Variants in RBM10 observed in about 807,000 individuals in gnomAD.
RBM10 encodes the protein RNA binding motif protein 10, also known as RNA-binding protein 10.
A neutral mutation model predicts 84.9 loss-of-function variants in RBM10; 1 was observed. The ratio of observed to expected loss-of-function variants is 0.01; its 90% CI spans 0.00 to 0.06. The LOEUF is 0.06. RBM10 is among the 10% of genes least tolerant of loss of function. The pLI is 1.00. For synonymous variants in RBM10, 326 were observed against 344.5 expected (o/e 0.95, Z 0.60); for missense variants, 438 against 839.0 (o/e 0.52, Z 5.90).
At chrX:47,180,595 G>GCTAT in intron 12 of RBM10, 89 bp downstream of exon 12, 2 of 1,164,695 alleles carry the variant, frequency 1.7e-6, no homozygotes. Flanking sequence ...AGGCTGGCTT[G>GCTAT]CTATCCATGG....
chrX:47,174,438 G>A (rs375244538), intron 5 of RBM10, among the ~76,000 whole-genome samples: 3 of 111,564 alleles, frequency 2.7e-5, no homozygotes, highest in East Asian at 5.7e-4. Flanking sequence ...AGATGAGGTC[G>A]TGTCTTTAAC....
Position 47,179,962 on chromosome X carries a change from C to T in RBM10, c.984C>T (p.Ser328=), listed in dbSNP as rs1556778173. Residue 328 remains serine (S), a synonymous_variant, in exon 10 of 24, where the codon TCC becomes TCT. Coordinates refer to ENST00000377604, the MANE Select transcript of RBM10 (RefSeq NM_005676.5). ...GALAPYAVLS[S]SNVRVIKDKQ... Reference sequence around the variant, plus strand: ...TGGCACCCTACGCGGTGCTGTCCTCCTCCAACGTGCGCGTCATAAAGGACA... The same window carrying T: ...TGGCACCCTACGCGGTGCTGTCCTCTTCCAACGTGCGCGTCATAAAGGACA... The T allele has an allele frequency of 3.3e-6, 4 of 1,211,357 alleles. No individual in the cohort carries two copies. The South Asian group carries it at 7.0e-5, about 21-fold the overall frequency.
chrX:47,173,087 C>T, intron 4 of RBM10, 41 bp from the exon 5 acceptor site: 1 of 1,211,685 alleles, frequency 8.3e-7, no homozygotes, highest in South Asian at 1.8e-5. Flanking sequence ...CCAGCGGCCC[C>T]ATTGTGCTGA....
At chrX:47,173,247 C>T (rs1934808195) in intron 5 of RBM10, 50 bp downstream of exon 5, 1 of 1,194,603 alleles carries the variant, frequency 8.4e-7, no homozygotes, top group Non-Finnish European at 1.1e-6. Context: ...GCCTCAGCCT[C>T]CGAATCTCCC....
At chrX:47,145,612 C>T in intron 1 of RBM10, 127 bp downstream of exon 1, 2 of 475,816 alleles carry the variant, frequency 4.2e-6, no homozygotes, top group East Asian at 9.3e-5. Flanking sequence ...AATGTCTCAA[C>T]CCGGGAGGGT....
chrX:47,155,146 CAAAAAA>C (rs782034292), intron 2 of RBM10, among the ~76,000 whole-genome samples: 2 of 27,357 alleles, frequency 7.3e-5, no homozygotes, highest in Non-Finnish European at 1.4e-4. Flanking sequence ...GACTCCCTCT[CAAAAAA>C]AAAAAAAAAA....
At chrX:47,177,626 T>C (rs1935236315) in intron 7 of RBM10, among the ~76,000 whole-genome samples, 1 of 110,489 alleles carries the variant, frequency 9.1e-6, no homozygotes, top group African/African-American at 3.3e-5. Flanking sequence ...ATTCTCTTTT[T>C]TTTTTTTTTG....
At chrX:47,148,130 C>T (rs1165859203) in intron 2 of RBM10, among the ~76,000 whole-genome samples, 3 of 111,572 alleles carry the variant, frequency 2.7e-5, no homozygotes, top group Admixed American at 9.6e-5. Flanking sequence ...ACTCAAGAGT[C>T]AATAGCTTTA....
chrX:47,179,342 G>A lies in RBM10; in HGVS notation c.748G>A (p.Gly250Ser), dbSNP rs781952776. Residue 250 changes from glycine (G) to serine (S), a missense_variant, in exon 9 of 24, where the codon GGC (glycine) becomes AGC (serine). Gly to Ser is a moderately conservative substitution (Grantham distance 56). Around this residue, in one of 8 missense-constraint regions of RBM10, gnomAD observed 36 missense variants for 45.3 expected, o/e 0.79. Transcript: ENST00000377604. ...KSEAEQKLPL[G>S]TRLDQQTLPL... ...AGAGGCAGAGCAGAAGCTGCCCCTC[G>A]GCACGAGGCTGGATCAGCAGACACT... The A allele has an allele frequency of 5.6e-5, 67 of 1,198,265 alleles. No individual in the cohort carries two copies. The highest frequency in any genetic ancestry group is 7.2e-5 in the Non-Finnish European group (64 of 890,470).
At chrX:47,152,816 C>T (rs1006528837) in intron 2 of RBM10, among the ~76,000 whole-genome samples, 1 of 99,912 alleles carries the variant, frequency 1.0e-5, no homozygotes, top group Admixed American at 1.1e-4. Context: ...CACACACACA[C>T]GTTTTTTTTA....
intron 21 of RBM10, 128 bp from the exon 22 acceptor site, chrX:47,185,937 G>C (rs1935872515): frequency 8.7e-6 from 10 of 1,149,718 alleles, no homozygotes; most frequent in Non-Finnish European, 1.2e-5. Context: ...GCCTGTGATG[G>C]CCTGACCCTC....
chrX:47,170,288 C>T (rs782562278), intron 3 of RBM10, among the ~76,000 whole-genome samples: 27 of 113,770 alleles, frequency 2.4e-4, no homozygotes, highest in Non-Finnish European at 3.2e-4. Context: ...TGTGCCCAGA[C>T]GTCTCCAGGA....
rs781839376 is a variant in RBM10, at chrX:47,167,064, C to T, written c.18-2251C>T. Among the ~76,000 whole-genome samples, 82 of 110,699 alleles carry T rather than the reference C, an allele frequency of 7.4e-4. 1 individual carries two copies. The highest frequency in any genetic ancestry group is 1.4e-3 in the Non-Finnish European group (72 of 52,893). ...TGCTGGGATTACAGGTGTGAGCCACCGCGCCCGGCAAAATTTTCATCTTTC... is the reference window on the plus strand; with the variant it reads ...TGCTGGGATTACAGGTGTGAGCCACTGCGCCCGGCAAAATTTTCATCTTTC... On this transcript the variant is annotated intron_variant, in intron 2 of 23. Transcript: ENST00000377604.
At chrX:47,159,941 G>A (rs189404974) in intron 2 of RBM10, among the ~76,000 whole-genome samples, 9,216 of 110,930 alleles carry the variant, frequency 0.083, 948 homozygotes, top group African/African-American at 0.29. Flanking sequence ...AGTTCGAGAC[G>A]AGCCTGACCA....
At chrX:47,162,185 A>G (rs1933765517) in intron 2 of RBM10, among the ~76,000 whole-genome samples, 1 of 112,301 alleles carries the variant, frequency 8.9e-6, no homozygotes, top group Admixed American at 9.5e-5. Flanking sequence ...TTTTTTGTAC[A>G]TGTGCAAGTA....
At chrX:47,180,075 G>A (rs2147174965) in intron 10 of RBM10, 35 bp downstream of exon 10, 1 of 1,206,430 alleles carries the variant, frequency 8.3e-7, no homozygotes, top group Non-Finnish European at 1.1e-6. Flanking sequence ...GGGCAGCCAG[G>A]GTCCCGGCCC....
At position 47,145,380 on chromosome X, in the gene RBM10, T is replaced by G; in HGVS notation, c.-231T>G. 23 of 1,050,329 alleles carry G rather than the reference T, an allele frequency of 2.2e-5. No homozygotes were observed. The highest frequency in any genetic ancestry group is 2.6e-5 in the Non-Finnish European group (20 of 777,410). 86.6% of individuals were successfully genotyped at this position (1,050,329 alleles called of 1,213,427 possible). On this transcript the variant is annotated 5_prime_UTR_variant, in exon 1 of 24. Transcript: ENST00000377604. ...CCCGATCTGCCTCCAGTCTCGGACT[T>G]GGTTGTTGCGCGCTCCGGCTCCGGC...
intron 2 of RBM10, among the ~76,000 whole-genome samples, chrX:47,162,329 A>G (rs1556767011): frequency 8.9e-6 from 1 of 112,063 alleles, no homozygotes; most frequent in African/African-American, 3.2e-5. Context: ...ATATGAAAGT[A>G]CCTGTTTTCC....
chrX:47,165,187 A>G (rs1484147393), intron 2 of RBM10, among the ~76,000 whole-genome samples: 1 of 111,824 alleles, frequency 8.9e-6, no homozygotes, highest in Non-Finnish European at 1.9e-5. Flanking sequence ...GTTGCATAAC[A>G]TTGTCAGTAT....
Sources: allele counts gnomAD v4.1 joint callset (sites outside exome capture counted in the v4.1 genomes callset), GRCh38; gene constraint gnomAD v4.1.1; regional missense constraint gnomAD v4.1.1; transcripts MANE v1.5; gene names NCBI Gene and HGNC (gene_info 2026-07-23, HGNC 2026-07-21).